The following KSR1 variants were observed in gnomAD, a reference collection of about 807,000 sequenced individuals.
KSR1 encodes the protein kinase suppressor of ras.
KSR1 carries 35 observed loss-of-function variants against 92.9 expected under a neutral mutation model. The observed-to-expected ratio is 0.38, with a 90% confidence interval of 0.29 to 0.50. The LOEUF (loss-of-function observed/expected upper bound fraction) is 0.50. Among genes scored for constraint, KSR1 ranks in the 20% least tolerant of loss-of-function variants. KSR1 has a pLI of 0.94. For missense variants in KSR1, 972 were observed against 1,158.5 expected, an observed-to-expected ratio of 0.84 and a Z score of 2.34; for synonymous variants, 467 against 472.6, an observed-to-expected ratio of 0.99 and a Z score of 0.15.
intron 2 of KSR1, among the ~76,000 whole-genome samples, chr17:27,556,238 A>G (rs2071590480): frequency 6.6e-6 from 1 of 152,214 alleles, no homozygotes; most frequent in Non-Finnish European, 1.5e-5. Flanking sequence ...ATTTTGAGAC[A>G]GGGTCTCGCT....
chr17:27,527,946 A>G (rs1216054418), intron 1 of KSR1, among the ~76,000 whole-genome samples: 1 of 152,242 alleles, frequency 6.6e-6, no homozygotes, highest in Non-Finnish European at 1.5e-5. Context: ...TGTCTCATAA[A>G]TGAACATCCC....
intron 2 of KSR1, among the ~76,000 whole-genome samples, chr17:27,555,235 G>C (rs536725077): frequency 4.5e-4 from 69 of 152,302 alleles, no homozygotes; most frequent in African/African-American, 1.4e-3. Context: ...GGTATGAGGG[G>C]TAGGTGGGTT....
At chr17:27,534,259 T>C (rs1235027004) in intron 1 of KSR1, among the ~76,000 whole-genome samples, 5 of 152,246 alleles carry the variant, frequency 3.3e-5, no homozygotes, top group African/African-American at 1.2e-4. Flanking sequence ...TTTGCCCATT[T>C]TCAAGGAATA....
chr17:27,524,529 A>G (rs186438335), intron 1 of KSR1, among the ~76,000 whole-genome samples: 7 of 152,306 alleles, frequency 4.6e-5, no homozygotes, highest in Non-Finnish European at 5.9e-5. Flanking sequence ...GGAGGGAGGT[A>G]TTGATGGGAG....
chr17:27,481,693 G>A (rs760708909), intron 1 of KSR1, among the ~76,000 whole-genome samples: 5 of 152,162 alleles, frequency 3.3e-5, no homozygotes, highest in African/African-American at 4.8e-5. Context: ...GCTTCAGGGG[G>A]TGCAGTGGTT....
chr17:27,614,331 G>T (rs187305922), intron 18 of KSR1, among the ~76,000 whole-genome samples: 1 of 152,256 alleles, frequency 6.6e-6, no homozygotes, highest in African/African-American at 2.4e-5. Flanking sequence ...ACAAGAGTTA[G>T]CAAGGACATC....
At chr17:27,560,823 A>T (rs937391459) in intron 2 of KSR1, among the ~76,000 whole-genome samples, 6 of 151,990 alleles carry the variant, frequency 3.9e-5, no homozygotes, top group Non-Finnish European at 8.8e-5. Context: ...AGCTGTTCTT[A>T]CAACCTTGCT....
chr17:27,483,003 C>T (rs905345961), intron 1 of KSR1, among the ~76,000 whole-genome samples: 1 of 152,186 alleles, frequency 6.6e-6, no homozygotes, highest in Non-Finnish European at 1.5e-5. Context: ...GACATTTCTC[C>T]CATGTTATTT....
At chr17:27,462,663 T>A (rs2019503549) in intron 1 of KSR1, among the ~76,000 whole-genome samples, 1 of 152,270 alleles carries the variant, frequency 6.6e-6, no homozygotes, top group Non-Finnish European at 1.5e-5. Context: ...ATAAACAGTG[T>A]ATTCTTTAAC....
intron 3 of KSR1, 88 bp from the exon 4 acceptor site, chr17:27,582,558 A>G (rs1007343569): frequency 4.3e-6 from 5 of 1,172,640 alleles, no homozygotes; most frequent in Non-Finnish European, 6.1e-6. Flanking sequence ...GCCTCACACC[A>G]GGTGTTGAAC....
intron 2 of KSR1, among the ~76,000 whole-genome samples, chr17:27,574,626 G>T (rs995015548): frequency 6.6e-6 from 1 of 152,176 alleles, no homozygotes; most frequent in South Asian, 2.1e-4. Context: ...TATGGGTTGG[G>T]CCTCATACCT....
chr17:27,542,600 A>G (rs961643538), intron 1 of KSR1, among the ~76,000 whole-genome samples: 3 of 152,172 alleles, frequency 2.0e-5, no homozygotes, highest in Admixed American at 2.0e-4. Flanking sequence ...TTTGTTTGCA[A>G]AGTCAGTCGT....
At chr17:27,526,824 C>T in intron 1 of KSR1, 2 of 825,262 alleles carry the variant, frequency 2.4e-6, no homozygotes, top group South Asian at 1.6e-5. Context: ...TATTTGGGCT[C>T]CTCCTCCGGG....
chr17:27,536,919 G>A (rs2070772712), intron 1 of KSR1, among the ~76,000 whole-genome samples: 1 of 152,224 alleles, frequency 6.6e-6, no homozygotes, highest in Admixed American at 6.5e-5. Flanking sequence ...CCTCTAGATT[G>A]GAGGAGTGTC....
chr17:27,603,178 G>A (rs550371397), intron 11 of KSR1, among the ~76,000 whole-genome samples: 50 of 152,288 alleles, frequency 3.3e-4, no homozygotes, highest in Admixed American at 2.8e-3. Context: ...GCCAAAACTG[G>A]GAACACCCCA....
Position 27,582,801 on chromosome 17 carries a change from C to G in KSR1, c.676C>G (p.Arg226Gly). Reference protein sequence around the residue: ...GRAGNSAQGPRSISVSALPAS... With the variant: ...GRAGNSAQGPGSISVSALPAS... ...AGCAGGCAACAGCGCCCAGGGCCCA[C>G]GCTCCATCTCCGTGTCAGCTCTGCC... Residue 226 changes from arginine to glycine, a missense_variant, in exon 4 of 21, where the codon CGC (arginine) becomes GGC (glycine). Physicochemically the swap from Arg to Gly is moderately radical, Grantham distance 125 (BLOSUM62 -2). Transcript: ENST00000644974. 1 of 1,613,644 alleles carries G rather than the reference C, an allele frequency of 6.2e-7. No individual in the cohort carries two copies. Among genetic ancestry groups the G allele is most frequent in the Non-Finnish European group, 8.5e-7 (1 of 1,179,744 alleles).
intron 1 of KSR1, among the ~76,000 whole-genome samples, chr17:27,544,608 G>C (rs1477941720): frequency 1.3e-5 from 2 of 152,218 alleles, no homozygotes; most frequent in Non-Finnish European, 2.9e-5. Context: ...AAGAATATTG[G>C]GGTGTGAGAG....
At chr17:27,536,809 A>G (rs1462753242) in intron 1 of KSR1, among the ~76,000 whole-genome samples, 2 of 152,248 alleles carry the variant, frequency 1.3e-5, no homozygotes, top group Non-Finnish European at 2.9e-5. Flanking sequence ...GCCACTCATT[A>G]TGGTCTCTTC....
At chr17:27,507,133 G>T (rs2069415424) in intron 1 of KSR1, among the ~76,000 whole-genome samples, 1 of 152,182 alleles carries the variant, frequency 6.6e-6, no homozygotes, top group Non-Finnish European at 1.5e-5. Flanking sequence ...ATGAACAAAA[G>T]AATGTAAAAG....
Sources: allele counts gnomAD v4.1 joint callset (sites outside exome capture counted in the v4.1 genomes callset), GRCh38; gene constraint gnomAD v4.1.1; transcripts MANE v1.5; gene names NCBI Gene and HGNC (gene_info 2026-07-23, HGNC 2026-07-21).